The following GNPAT variants were observed in gnomAD, a reference collection of about 807,000 sequenced individuals.
GNPAT encodes dihydroxyacetone phosphate acyltransferase.
A neutral mutation model predicts 78.4 loss-of-function variants in GNPAT; 30 were observed. The ratio of observed to expected loss-of-function variants is 0.38; its 90% CI spans 0.29 to 0.52. The LOEUF (loss-of-function observed/expected upper bound fraction) is 0.52, where lower values mean the gene tolerates loss of function less well. Among genes scored for constraint, GNPAT ranks in the 20% least tolerant of loss-of-function variants. The pLI, the probability that GNPAT is intolerant of heterozygous loss-of-function variation, is 0.84. For synonymous variants in GNPAT, 271 were observed against 281.1 expected, an observed-to-expected ratio of 0.96 and a Z score of 0.36; for missense variants, 714 against 812.2, an observed-to-expected ratio of 0.88 and a Z score of 1.47.
chr1:231,268,129 C>T (rs899433362), intron 9 of GNPAT, among the ~76,000 whole-genome samples: 3 of 151,972 alleles, frequency 2.0e-5, no homozygotes, highest in Admixed American at 6.6e-5. Flanking sequence ...GGTGAAACCC[C>T]GTCTCTACTA....
At chr1:231,247,861 G>C (rs112634109) in intron 1 of GNPAT, among the ~76,000 whole-genome samples, 1 of 152,160 alleles carries the variant, frequency 6.6e-6, no homozygotes, top group South Asian at 2.1e-4. Flanking sequence ...GGCAGGAGGT[G>C]GGGGGTCATG....
chr1:231,275,149 TA>T, intron 12 of GNPAT, 71 bp from the exon 13 acceptor site: 1 of 861,462 alleles, frequency 1.2e-6, no homozygotes, highest in Non-Finnish European at 2.0e-6. Context: ...AATGTAAAGT[TA>T]TTTACTATTC....
In GNPAT at chr1:231,265,952, T is replaced by C. The variant is rs1571950162; in HGVS notation, c.773-62T>C. On this transcript the variant is annotated intron_variant, in intron 6 of 15. Coordinates refer to ENST00000366647, the MANE Select transcript of GNPAT (RefSeq NM_014236.4). ...GTATGCTTTTAGTATTTTCCGTTTA[T>C]GTGCTCATGTTTGCTCTGCTCTTCA... 6 of 1,379,124 alleles carry C rather than the reference T, an allele frequency of 4.4e-6. No homozygotes were observed. The East Asian group carries it at 9.1e-5, about 21-fold the overall frequency. 85.4% of individuals were successfully genotyped at this position (1,379,124 alleles called of 1,614,324 possible).
chr1:231,243,174 A>C (rs1404895575), intron 1 of GNPAT, among the ~76,000 whole-genome samples: 2 of 152,256 alleles, frequency 1.3e-5, no homozygotes, highest in African/African-American at 4.8e-5. Flanking sequence ...GTAAACAAAC[A>C]ATCACAGTTA....
chr1:231,241,212 C>T lies in GNPAT; in HGVS notation c.-167C>T. On this transcript the variant is annotated 5_prime_UTR_variant, in exon 1 of 16. Coordinates refer to ENST00000366647, the MANE Select transcript of GNPAT (RefSeq NM_014236.4). ...TGCGCTGCAGGGCCCTGCGCGGCTT[C>T]CGTCCTGGCTGAGATGGCGGCGCCC... 1.3e-6 allele frequency: 2 copies of T among 1,540,150 alleles called. No individual in the cohort carries two copies. The highest frequency in any genetic ancestry group is 8.9e-7 in the Non-Finnish European group (1 of 1,118,228).
chr1:231,264,513 A>T (rs1211224814), intron 4 of GNPAT, among the ~76,000 whole-genome samples: 1 of 152,214 alleles, frequency 6.6e-6, no homozygotes, highest in Non-Finnish European at 1.5e-5. Flanking sequence ...TCAAGTATAC[A>T]CGTTTGTTAA....
intron 3 of GNPAT, 26 bp from the exon 4 acceptor site, chr1:231,262,697 T>C (rs1355043403): frequency 6.3e-7 from 1 of 1,581,128 alleles, no homozygotes; most frequent in South Asian, 1.1e-5. Context: ...ACTGAAATTA[T>C]TCAAAATGTA....
At chr1:231,270,445 T>A (rs1287881723) in intron 9 of GNPAT, among the ~76,000 whole-genome samples, 9 of 152,236 alleles carry the variant, frequency 5.9e-5, no homozygotes, top group African/African-American at 2.2e-4. Context: ...TTAGATTCCC[T>A]TGGTTCCTGA....
intron 1 of GNPAT, among the ~76,000 whole-genome samples, chr1:231,250,379 A>C (rs892089412): frequency 6.6e-6 from 1 of 152,136 alleles, no homozygotes; most frequent in East Asian, 1.9e-4. Context: ...GTAGTGAGCT[A>C]TATAATGGTG....
At chr1:231,247,376 T>C (rs1684778768) in intron 1 of GNPAT, among the ~76,000 whole-genome samples, 1 of 152,052 alleles carries the variant, frequency 6.6e-6, no homozygotes, top group South Asian at 2.1e-4. Context: ...AGATAAGAAG[T>C]TCACAGTCTT....
At chr1:231,257,308 T>C (rs1337785178) in intron 2 of GNPAT, among the ~76,000 whole-genome samples, 1 of 151,968 alleles carries the variant, frequency 6.6e-6, no homozygotes, top group Non-Finnish European at 1.5e-5. Context: ...CTGCCTCGTT[T>C]CCCTCTTTCC....
intron 2 of GNPAT, 103 bp from the exon 3 acceptor site, chr1:231,260,404 G>T: frequency 1.2e-6 from 1 of 806,206 alleles, no homozygotes. Context: ...TTGAGTTATA[G>T]AAGATTAATC....
intron 2 of GNPAT, among the ~76,000 whole-genome samples, chr1:231,253,780 T>C (rs1684965121): frequency 6.6e-6 from 1 of 152,242 alleles, no homozygotes; most frequent in African/African-American, 2.4e-5. Context: ...CAAGAATTCC[T>C]GTCTCTTTTT....
At chr1:231,250,523 T>G (rs1684865114) in intron 1 of GNPAT, among the ~76,000 whole-genome samples, 2 of 152,328 alleles carry the variant, frequency 1.3e-5, no homozygotes, top group South Asian at 4.1e-4. Context: ...TTCCTTTTAT[T>G]TGCACCCATA....
At chr1:231,270,254 G>A (rs1685520086) in intron 9 of GNPAT, among the ~76,000 whole-genome samples, 1 of 152,146 alleles carries the variant, frequency 6.6e-6, no homozygotes, top group Admixed American at 6.5e-5. Flanking sequence ...TTTGATTTGG[G>A]GAAAACTGCA....
Position 231,241,219 on chromosome 1 carries a change from G to T in GNPAT, c.-160G>T. On this transcript the variant is annotated 5_prime_UTR_variant, in exon 1 of 16. Transcript: ENST00000366647. ...CAGGGCCCTGCGCGGCTTCCGTCCT[G>T]GCTGAGATGGCGGCGCCCGGGATCC... The T allele has an allele frequency of 6.6e-7, 1 of 1,525,322 alleles. No homozygotes were observed. The highest frequency in any genetic ancestry group is 1.4e-5 in the African/African-American group (1 of 73,008). The allele number at this position is 1,525,322 out of a possible 1,614,324, so 94.5% of individuals were successfully genotyped here. A position where few individuals can be genotyped will look rare whatever the true frequency, so the allele number is the denominator to read the frequency against.
chr1:231,257,477 A>G (rs1685097583), intron 2 of GNPAT, among the ~76,000 whole-genome samples: 1 of 151,938 alleles, frequency 6.6e-6, no homozygotes, highest in Admixed American at 6.6e-5. Context: ...TGTGTCTTTT[A>G]TTGTTACACA....
At chr1:231,259,422 C>T (rs888568364) in intron 2 of GNPAT, among the ~76,000 whole-genome samples, 11 of 151,792 alleles carry the variant, frequency 7.2e-5, no homozygotes, top group African/African-American at 2.2e-4. Flanking sequence ...CTGAGGCGGG[C>T]GGATCACCTG....
At chr1:231,262,348 A>G (rs1386613862) in intron 3 of GNPAT, among the ~76,000 whole-genome samples, 2 of 152,254 alleles carry the variant, frequency 1.3e-5, no homozygotes, top group African/African-American at 2.4e-5. Flanking sequence ...TATTGGATGC[A>G]TGACCATTTT....
Sources: allele counts gnomAD v4.1 joint callset (sites outside exome capture counted in the v4.1 genomes callset), GRCh38; gene constraint gnomAD v4.1.1; transcripts MANE v1.5; gene names NCBI Gene and HGNC (gene_info 2026-07-23, HGNC 2026-07-21).